The following ADGRB3 variants were observed in gnomAD, a reference collection of about 807,000 sequenced individuals.
The protein encoded by ADGRB3 is brain-specific angiogenesis inhibitor 3.
Under a neutral mutation model 193.4 loss-of-function variants are expected in ADGRB3, and 37 were observed. The observed-to-expected ratio is 0.19, with a 90% CI of 0.15 to 0.25. The LOEUF (loss-of-function observed/expected upper bound fraction) is 0.25. ADGRB3 is among the 10% of genes least tolerant of loss of function. The pLI is 1.00. For synonymous variants in ADGRB3, 690 were observed against 644.2 expected (o/e 1.07, Z -1.08); for missense variants, 1,637 against 1,852.9 (o/e 0.88, Z 2.14).
intron 10 of ADGRB3, among the ~76,000 whole-genome samples, chr6:68,982,135 C>T (rs529846182): frequency 6.6e-6 from 1 of 152,084 alleles, no homozygotes; most frequent in East Asian, 1.9e-4. Flanking sequence ...CTGCCTGCCT[C>T]AGCCTCCCAA....
At chr6:68,938,739 T>C (rs1464592857) in intron 5 of ADGRB3, among the ~76,000 whole-genome samples, 1 of 152,144 alleles carries the variant, frequency 6.6e-6, no homozygotes, top group Non-Finnish European at 1.5e-5. Context: ...TGGGTGTGGG[T>C]ACAGTGGGTT....
chr6:69,353,232 T>A (rs1181791283), intron 26 of ADGRB3, among the ~76,000 whole-genome samples: 9 of 152,250 alleles, frequency 5.9e-5, no homozygotes, highest in Admixed American at 5.9e-4. Flanking sequence ...AGAATTAATG[T>A]AATGTTCTTA....
chr6:68,925,851 A>T (rs898973499), intron 3 of ADGRB3, among the ~76,000 whole-genome samples: 3 of 152,026 alleles, frequency 2.0e-5, no homozygotes, highest in Non-Finnish European at 4.4e-5. Context: ...ATTCATCTTT[A>T]TAACTTTGGT....
chr6:69,015,266 T>C (rs981212648), intron 12 of ADGRB3, among the ~76,000 whole-genome samples: 4 of 152,058 alleles, frequency 2.6e-5, no homozygotes, highest in Admixed American at 6.6e-5. Flanking sequence ...TATCAGATGC[T>C]GTTATTTACT....
chr6:69,014,217 C>T, intron 12 of ADGRB3, 111 bp downstream of exon 12: 1 of 737,004 alleles, frequency 1.4e-6, no homozygotes, highest in East Asian at 2.8e-5. Context: ...TTAAGTCAGT[C>T]TAGGTTATAT....
intron 3 of ADGRB3, among the ~76,000 whole-genome samples, chr6:68,735,776 A>G (rs1562010183): frequency 6.6e-6 from 1 of 152,138 alleles, no homozygotes; most frequent in Non-Finnish European, 1.5e-5. Context: ...AGATTGCATA[A>G]GCCCATATTA....
Position 68,643,438 on chromosome 6 carries a change from C to CTTTTT in ADGRB3, c.757+4024_757+4028dup, listed in dbSNP as rs765489730. 5.7e-3 allele frequency among the ~76,000 whole-genome samples: 369 copies of CTTTTT among 64,988 alleles called. 49 individuals carry two copies. Among genetic ancestry groups the CTTTTT allele is most frequent in the African/African-American group, 0.014 (210 of 15,336 alleles). 42.6% of individuals were successfully genotyped at this position (64,988 alleles called of 152,430 possible). A position where few individuals can be genotyped will look rare whatever the true frequency, so the allele number is the denominator to read the frequency against. On this transcript the variant is annotated intron_variant, in intron 3 of 31. Coordinates refer to ENST00000370598, the MANE Select transcript of ADGRB3 (RefSeq NM_001704.3). The stretch of plus-strand genomic sequence containing the variant: ...CTTTCTCTTTACACTCTTCATCTTC[C>CTTTTT]TTTTTTTTTTTTTTTTTTTTTTCGT...
chr6:68,981,848 A>T (rs1226618304), intron 10 of ADGRB3, among the ~76,000 whole-genome samples: 6 of 74,956 alleles, frequency 8.0e-5, no homozygotes, highest in East Asian at 1.6e-3. Context: ...CTATTTTGTT[A>T]TTTATTTATT....
chr6:68,831,668 C>T (rs1767959463), intron 3 of ADGRB3, among the ~76,000 whole-genome samples: 1 of 152,034 alleles, frequency 6.6e-6, no homozygotes, highest in Non-Finnish European at 1.5e-5. Context: ...GTAAGAAAAC[C>T]AGAATGGAGT....
At chr6:68,641,042 T>G (rs1202462126) in intron 3 of ADGRB3, among the ~76,000 whole-genome samples, 1 of 152,160 alleles carries the variant, frequency 6.6e-6, no homozygotes, top group Non-Finnish European at 1.5e-5. Flanking sequence ...CTAATTAGTG[T>G]CCCCTAGAAT....
chr6:68,772,882 CAAAA>C (rs763967322), intron 3 of ADGRB3, among the ~76,000 whole-genome samples: 216 of 23,820 alleles, frequency 9.1e-3, no homozygotes, highest in Non-Finnish European at 9.9e-3. Context: ...AACAAACAAA[CAAAA>C]AAAAAAAAAT....
chr6:69,314,080 G>A (rs1205607210), intron 20 of ADGRB3, among the ~76,000 whole-genome samples: 1 of 151,468 alleles, frequency 6.6e-6, no homozygotes, highest in Non-Finnish European at 1.5e-5. Context: ...TTTAAGCCTG[G>A]AGATAACAGT....
intron 17 of ADGRB3, among the ~76,000 whole-genome samples, chr6:69,207,914 C>T (rs1421925187): frequency 6.6e-6 from 1 of 152,212 alleles, no homozygotes; most frequent in Non-Finnish European, 1.5e-5. Context: ...TAGGCAAACC[C>T]AGTGGGGACA....
At chr6:68,650,691 G>T (rs1207038890) in intron 3 of ADGRB3, among the ~76,000 whole-genome samples, 2 of 152,078 alleles carry the variant, frequency 1.3e-5, no homozygotes, top group Non-Finnish European at 2.9e-5. Flanking sequence ...GTATTTTTGT[G>T]TATCTTCTTC....
At chr6:68,839,235 T>C (rs572082624) in intron 3 of ADGRB3, among the ~76,000 whole-genome samples, 28 of 152,306 alleles carry the variant, frequency 1.8e-4, no homozygotes, top group African/African-American at 6.5e-4. Context: ...CTCTTAGGAA[T>C]TGCAACAACA....
intron 3 of ADGRB3, among the ~76,000 whole-genome samples, chr6:68,749,406 ATATGTG>A (rs1216293055): frequency 2.5e-4 from 25 of 101,122 alleles, no homozygotes; most frequent in South Asian, 9.2e-4. Context: ...ATATATATAT[ATATGTG>A]TGTGTGTGTG....
intron 20 of ADGRB3, among the ~76,000 whole-genome samples, chr6:69,256,965 T>G (rs1766790766): frequency 2.6e-5 from 4 of 151,910 alleles, no homozygotes; most frequent in Admixed American, 2.6e-4. Flanking sequence ...GATAATCATG[T>G]GGTTTTTGTC....
Position 68,958,135 on chromosome 6 carries a change from AG to A in ADGRB3, c.1525+1328del, listed in dbSNP as rs1768130551. ...AGAATAGCTTGAACCCAGGAGGTGG[AG>A]GTTGCAGTTAGCCGAGATTGCACCA... is the stretch of plus-strand genomic sequence containing the variant. On this transcript the variant is annotated intron_variant, in intron 8 of 31. Coordinates refer to ENST00000370598, the MANE Select transcript of ADGRB3 (RefSeq NM_001704.3). Among the ~76,000 whole-genome samples the A allele has an allele frequency of 2.0e-5, 3 of 152,174 alleles. No individual in the cohort carries two copies. In the South Asian group the frequency reaches 6.2e-4, roughly 32 times the overall value.
intron 3 of ADGRB3, among the ~76,000 whole-genome samples, chr6:68,851,840 A>T (rs1335131934): frequency 6.6e-6 from 1 of 151,802 alleles, no homozygotes; most frequent in Non-Finnish European, 1.5e-5. Flanking sequence ...TGACTTTTGG[A>T]AAGTTTCAGG....
Sources: gnomAD v4.1 joint callset for allele counts (sites outside exome capture counted in the v4.1 genomes callset) on GRCh38, gnomAD v4.1.1 for gene constraint, MANE v1.5 for transcripts, NCBI Gene and HGNC (gene_info 2026-07-23, HGNC 2026-07-21) for gene names.